Variants in HCFC2 observed in about 807,000 individuals in gnomAD.
HCFC2 encodes host cell factor 2.
A neutral mutation model predicts 89.2 loss-of-function variants in HCFC2; 18 were observed. That is an observed-to-expected ratio of 0.20 (90% CI 0.14 to 0.30). The LOEUF (loss-of-function observed/expected upper bound fraction) is 0.30. HCFC2 is among the 10% of genes least tolerant of loss of function. HCFC2 has a pLI of 1.00. For missense variants in HCFC2, 578 were observed against 956.1 expected (o/e 0.60, Z 5.21); for synonymous variants, 308 against 335.7 (o/e 0.92, Z 0.90).
chr12:104,089,846 T>A (rs2136619428), intron 9 of HCFC2, among the ~76,000 whole-genome samples: 1 of 152,362 alleles, frequency 6.6e-6, no homozygotes, highest in Admixed American at 6.5e-5. Flanking sequence ...TCTTCTTGTC[T>A]ATCATTAATT....
chr12:104,095,655 C>A lies in HCFC2; in HGVS notation c.1666+92C>A. Reference sequence around the variant, plus strand: ...GTCTTAGATGGGAGTTGCATTTCATCTTGGAATTTTGTTATTAGTCATTTT... The same window carrying A: ...GTCTTAGATGGGAGTTGCATTTCATATTGGAATTTTGTTATTAGTCATTTT... On this transcript the variant is annotated intron_variant, in intron 11 of 14. Coordinates refer to ENST00000229330, the MANE Select transcript of HCFC2 (RefSeq NM_013320.3). This position sits in a 1 kb window ranked among gnomAD's most constrained non-coding sequence, Gnocchi z 4.2. 1 of 969,892 alleles carries A rather than the reference C, an allele frequency of 1.0e-6. No homozygotes were observed. Among genetic ancestry groups the A allele is most frequent in the Non-Finnish European group, 1.5e-6 (1 of 657,954 alleles). The allele number at this position is 969,892 out of a possible 1,614,324, so 60.1% of individuals were successfully genotyped here.
intron 3 of HCFC2, among the ~76,000 whole-genome samples, chr12:104,073,827 G>A (rs1593593412): frequency 1.3e-5 from 2 of 152,186 alleles, no homozygotes; most frequent in African/African-American, 4.8e-5. Context: ...ACCAGGGGTT[G>A]CAAACTATAT....
At chr12:104,071,075 G>A (rs1210738555) in intron 3 of HCFC2, among the ~76,000 whole-genome samples, 2 of 151,916 alleles carry the variant, frequency 1.3e-5, no homozygotes, top group Non-Finnish European at 2.9e-5. Flanking sequence ...CAAAGTGCTG[G>A]GATTACAGGC....
chr12:104,098,253 C>G, intron 12 of HCFC2, 90 bp from the exon 13 acceptor site: 1 of 975,400 alleles, frequency 1.0e-6, no homozygotes, highest in South Asian at 1.8e-5. Flanking sequence ...CAAATACCTA[C>G]TTGTAGATCA....
chr12:104,091,212 G>A (rs1395340595), intron 9 of HCFC2, among the ~76,000 whole-genome samples: 1 of 152,136 alleles, frequency 6.6e-6, no homozygotes, highest in Non-Finnish European at 1.5e-5. Flanking sequence ...CAACCTTTCT[G>A]CCTATTTCCC....
intron 7 of HCFC2, among the ~76,000 whole-genome samples, chr12:104,083,264 T>C (rs928350371): frequency 1.3e-5 from 2 of 152,172 alleles, no homozygotes; most frequent in African/African-American, 2.4e-5. Context: ...TACTCCCTAA[T>C]ATCATGTGAT....
At chr12:104,078,740 A>G (rs187329789) in intron 3 of HCFC2, among the ~76,000 whole-genome samples, 22 of 152,292 alleles carry the variant, frequency 1.4e-4, no homozygotes, top group Admixed American at 4.6e-4. Flanking sequence ...CAGAATAATA[A>G]CCATTTGATT....
chr12:104,096,292 TAA>T, intron 11 of HCFC2, 66 bp from the exon 12 acceptor site: 1 of 1,073,166 alleles, frequency 9.3e-7, no homozygotes, highest in South Asian at 1.9e-5. Flanking sequence ...AATATATATT[TAA>T]AAATTATATT....
At position 104,064,962 on chromosome 12, in the gene HCFC2, A is replaced by T; in HGVS notation, c.163+239A>T. ...CCCCGAGCGGGGCGCACCGGCCTTC[A>T]GGCGGGGGATCCCGGACGCCCCCAC... is the stretch of plus-strand genomic sequence containing the variant. On this transcript the variant is annotated intron_variant, in intron 1 of 14. Transcript: ENST00000229330. This position sits in a 1 kb window ranked among gnomAD's most constrained non-coding sequence, Gnocchi z 7.3. 2.6e-6 allele frequency: 1 copy of T among 380,440 alleles called. No homozygotes were observed. Among genetic ancestry groups the T allele is most frequent in the Non-Finnish European group, 4.6e-6 (1 of 215,790 alleles). 23.6% of individuals were successfully genotyped at this position (380,440 alleles called of 1,614,324 possible).
intron 4 of HCFC2, 40 bp from the exon 5 acceptor site, chr12:104,080,706 T>A: frequency 8.2e-7 from 1 of 1,224,978 alleles, no homozygotes; most frequent in Non-Finnish European, 1.2e-6. Flanking sequence ...AATTTACTCT[T>A]GTTAGATCAA....
chr12:104,081,152 T>A (rs538098181), intron 5 of HCFC2, among the ~76,000 whole-genome samples: 1 of 152,352 alleles, frequency 6.6e-6, no homozygotes, highest in African/African-American at 2.4e-5. Context: ...GTGCTTCATT[T>A]GTACTGAGGC....
intron 3 of HCFC2, among the ~76,000 whole-genome samples, chr12:104,077,232 GTTTGTTT>G (rs1380729884): frequency 1.7e-4 from 26 of 151,094 alleles, no homozygotes; most frequent in South Asian, 8.4e-4. Flanking sequence ...TTGTTTGTTT[GTTTGTTT>G]TTTGTTTTTT....
At chr12:104,091,414 A>C in intron 9 of HCFC2, among the ~76,000 whole-genome samples, 1 of 152,098 alleles carries the variant, frequency 6.6e-6, no homozygotes, top group Admixed American at 6.5e-5. Flanking sequence ...GTGACTTTCC[A>C]CTTAGGAGAA....
rs1329640185 is a variant in HCFC2, at chr12:104,087,151, T to C, written c.1231+137T>C. Reference sequence around the variant, plus strand: ...AGGTGGATCACCTGAGGTCAGGAGTTTGAGACCAGCCTGGTCAACATGGTA... The same window carrying C: ...AGGTGGATCACCTGAGGTCAGGAGTCTGAGACCAGCCTGGTCAACATGGTA... On this transcript the variant is annotated intron_variant, in intron 8 of 14. Coordinates refer to ENST00000229330, the MANE Select transcript of HCFC2 (RefSeq NM_013320.3). The C allele has an allele frequency of 5.5e-6, 4 of 721,930 alleles. No individual in the cohort carries two copies. In the East Asian group the frequency reaches 1.3e-4, roughly 23 times the overall value. The allele number at this position is 721,930 out of a possible 1,614,324, so 44.7% of individuals were successfully genotyped here.
intron 5 of HCFC2, among the ~76,000 whole-genome samples, chr12:104,081,545 A>T (rs1371653395): frequency 2.6e-5 from 4 of 152,112 alleles, no homozygotes; most frequent in Admixed American, 2.0e-4. Context: ...TATTGCAGTA[A>T]TATTAAATAT....
Position 104,102,967 on chromosome 12 carries a change from A to G in HCFC2, c.2073A>G (p.Glu691=). 1 of 1,597,336 alleles carries G rather than the reference A, an allele frequency of 6.3e-7. No individual in the cohort carries two copies. The highest frequency in any genetic ancestry group is 8.6e-7 in the Non-Finnish European group (1 of 1,168,732). Residue 691 remains glutamate, a synonymous_variant, in exon 15 of 15, where the codon GAA becomes GAG. Coordinates refer to ENST00000229330, the MANE Select transcript of HCFC2 (RefSeq NM_013320.3). ...PSAVRISKNV[E]GIHLSWEPPT... ...TTCCCCCCCCCTTCAAGAATGTTGA[A>G]GGTATCCACCTTTCCTGGGAACCTC...
intron 9 of HCFC2, among the ~76,000 whole-genome samples, chr12:104,089,578 G>T (rs181965020): frequency 6.6e-6 from 1 of 152,260 alleles, no homozygotes; most frequent in Non-Finnish European, 1.5e-5. Context: ...TCATGTTGTT[G>T]AAGGGTCTAC....
chr12:104,094,093 T>C (rs879138670), intron 10 of HCFC2, among the ~76,000 whole-genome samples: 3 of 152,124 alleles, frequency 2.0e-5, no homozygotes, highest in African/African-American at 7.2e-5. Flanking sequence ...TTCACCAAAA[T>C]AGGAAATATA....
At chr12:104,079,117 G>C (rs1049184968) in intron 3 of HCFC2, among the ~76,000 whole-genome samples, 4 of 152,176 alleles carry the variant, frequency 2.6e-5, no homozygotes, top group Non-Finnish European at 5.9e-5. Context: ...CCAACTTCCT[G>C]ATGGGAAGAT....
Sources: allele counts gnomAD v4.1 joint callset (sites outside exome capture counted in the v4.1 genomes callset), GRCh38; gene constraint gnomAD v4.1.1; non-coding constraint Gnocchi (gnomAD v3.1); transcripts MANE v1.5; gene names NCBI Gene and HGNC (gene_info 2026-07-23, HGNC 2026-07-21).